The following COL11A1 variants were observed in gnomAD, a reference collection of about 807,000 sequenced individuals.
COL11A1 encodes collagen alpha-1(XI) chain.
A neutral mutation model predicts 265.2 loss-of-function variants in COL11A1; 74 were observed. The ratio of observed to expected loss-of-function variants is 0.28; its 90% CI spans 0.23 to 0.34. The LOEUF is 0.34. Ranked by LOEUF, COL11A1 falls within the 10% of genes least tolerant of loss-of-function variation. The pLI is 1.00. For synonymous variants in COL11A1, 816 were observed against 727.6 expected, an observed-to-expected ratio of 1.12 and a Z score of -1.96; for missense variants, 2,165 against 2,263.6, an observed-to-expected ratio of 0.96 and a Z score of 0.88.
chr1:102,955,317 GAGA>G (rs902530152), intron 41 of COL11A1, among the ~76,000 whole-genome samples: 7 of 152,272 alleles, frequency 4.6e-5, no homozygotes, highest in Non-Finnish European at 7.4e-5. Flanking sequence ...AGAGAAGCAA[GAGA>G]AGAAGAAGAA....
chr1:102,981,148 T>C (rs1557899637), intron 31 of COL11A1, among the ~76,000 whole-genome samples: 1 of 152,140 alleles, frequency 6.6e-6, no homozygotes, highest in Non-Finnish European at 1.5e-5. Flanking sequence ...TTTTATAACA[T>C]GTTTTCCTGT....
intron 41 of COL11A1, among the ~76,000 whole-genome samples, chr1:102,956,110 A>T (rs1355335598): frequency 1.3e-5 from 2 of 152,218 alleles, no homozygotes; most frequent in African/African-American, 2.4e-5. Flanking sequence ...ACCTTTAGAT[A>T]ACCCTAACCT....
At chr1:103,035,806 A>C (rs1268640408) in intron 4 of COL11A1, among the ~76,000 whole-genome samples, 1 of 150,006 alleles carries the variant, frequency 6.7e-6, no homozygotes, top group African/African-American at 2.5e-5. Context: ...ACTGATAATA[A>C]AATTAGTTTC....
chr1:103,014,152 C>T (rs942150959), intron 13 of COL11A1, among the ~76,000 whole-genome samples: 1 of 151,714 alleles, frequency 6.6e-6, no homozygotes, highest in African/African-American at 2.4e-5. Context: ...TTAATTATAA[C>T]CAATCATTGA....
At chr1:102,905,497 T>A (rs1381262434) in intron 54 of COL11A1, among the ~76,000 whole-genome samples, 1 of 139,294 alleles carries the variant, frequency 7.2e-6, no homozygotes, top group African/African-American at 2.6e-5. Context: ...CCTGAGTTGC[T>A]AAAGCACCCA....
At position 103,108,395 on chromosome 1, in the gene COL11A1, G is replaced by C; in HGVS notation, c.-217C>G. On this transcript the variant is annotated 5_prime_UTR_variant, in exon 1 of 67. Coordinates refer to ENST00000370096, the MANE Select transcript of COL11A1 (RefSeq NM_001854.4). ...TCCCTCTGAGTTGGCCCCACCGGCCGGGACCCTCCGGCCGCGACCCTCTGA... is the reference window on the plus strand; with the variant it reads ...TCCCTCTGAGTTGGCCCCACCGGCCCGGACCCTCCGGCCGCGACCCTCTGA... 1.6e-6 allele frequency: 1 copy of C among 615,766 alleles called. No homozygotes were observed. The allele number at this position is 615,766 out of a possible 1,614,324, so 38.1% of individuals were successfully genotyped here. A position where few individuals can be genotyped will look rare whatever the true frequency, so the allele number is the denominator to read the frequency against.
chr1:103,048,426 A>T lies in COL11A1; in HGVS notation c.652-17182T>A, dbSNP rs539564977. Among the ~76,000 whole-genome samples, 10 of 152,170 alleles carry T rather than the reference A, an allele frequency of 6.6e-5. 1 individual carries two copies. The South Asian group carries it at 1.9e-3, about 28-fold the overall frequency. The stretch of plus-strand genomic sequence containing the variant: ...ATAGTATTTTCTGATGGTAGTTTGT[A>T]TTTCTGTGGGATCGGTGGTGATATC... On this transcript the variant is annotated intron_variant, in intron 4 of 66. Transcript: ENST00000370096.
In COL11A1 at chr1:102,915,573, C is replaced by T. The variant is rs4908273; in HGVS notation, c.3816+58G>A. ...TAAGAGTTGTTACATGTTTGTAATG[C>T]TGTAAAAGAAATTCCCAAACCAATA... On this transcript the variant is annotated intron_variant, in intron 50 of 66. Coordinates refer to ENST00000370096, the MANE Select transcript of COL11A1 (RefSeq NM_001854.4). 165,307 of 1,415,680 alleles carry T rather than the reference C, an allele frequency of 0.12. 10,764 individuals carry two copies. The highest frequency in any genetic ancestry group is 0.25 in the East Asian group (10,923 of 43,836). The allele number at this position is 1,415,680 out of a possible 1,614,324, so 87.7% of individuals were successfully genotyped here.
intron 31 of COL11A1, among the ~76,000 whole-genome samples, chr1:102,982,667 T>G (rs906727885): frequency 6.6e-6 from 1 of 151,988 alleles, no homozygotes; most frequent in Non-Finnish European, 1.5e-5. Flanking sequence ...TTTAGAAGGG[T>G]TCAAAAGCAT....
rs187893256 is a variant in COL11A1, at chr1:102,914,900, C to T, written c.3817-89G>A. 1.2e-5 allele frequency: 12 copies of T among 1,032,086 alleles called. No individual in the cohort carries two copies. In the East Asian group the frequency reaches 2.8e-4, roughly 24 times the overall value. 63.9% of individuals were successfully genotyped at this position (1,032,086 alleles called of 1,614,324 possible). A position where few individuals can be genotyped will look rare whatever the true frequency, so the allele number is the denominator to read the frequency against. ...ATAAAAGTTTATTAACCTTGGCACA[C>T]TGGGCCAGAATATATTTTTTTTTTA... On this transcript the variant is annotated intron_variant, in intron 50 of 66. Coordinates refer to ENST00000370096, the MANE Select transcript of COL11A1 (RefSeq NM_001854.4).
chr1:103,076,035 A>G (rs1486043353), intron 3 of COL11A1, among the ~76,000 whole-genome samples: 1 of 152,152 alleles, frequency 6.6e-6, no homozygotes, highest in African/African-American at 2.4e-5. Flanking sequence ...ACAGAAAATA[A>G]AAACAATTTC....
intron 49 of COL11A1, among the ~76,000 whole-genome samples, chr1:102,918,567 A>T (rs1403601990): frequency 7.2e-6 from 1 of 138,614 alleles, no homozygotes; most frequent in Non-Finnish European, 1.6e-5. Context: ...ATTCTTGATT[A>T]AAAAACATCA....
intron 50 of COL11A1, among the ~76,000 whole-genome samples, chr1:102,915,132 G>A (rs1453146749): frequency 6.6e-6 from 1 of 152,008 alleles, no homozygotes; most frequent in Non-Finnish European, 1.5e-5. Flanking sequence ...TTTTTGCTGT[G>A]GGGAGCTGTT....
chr1:103,006,445 T>C, intron 15 of COL11A1, 130 bp from the exon 16 acceptor site: 1 of 542,518 alleles, frequency 1.8e-6, no homozygotes, highest in Non-Finnish European at 3.0e-6. Context: ...CACAAGAAAA[T>C]TATTTCCATG....
chr1:103,072,674 G>C (rs1346100386), intron 4 of COL11A1, among the ~76,000 whole-genome samples: 1 of 151,642 alleles, frequency 6.6e-6, no homozygotes, highest in Admixed American at 6.6e-5. Flanking sequence ...TCTAAATTTG[G>C]ACTAAACATC....
intron 54 of COL11A1, among the ~76,000 whole-genome samples, chr1:102,911,661 A>G (rs1654695472): frequency 6.6e-6 from 1 of 152,198 alleles, no homozygotes; most frequent in Admixed American, 6.5e-5. Flanking sequence ...ATTTATTTAT[A>G]TTTTGCTATA....
intron 4 of COL11A1, among the ~76,000 whole-genome samples, chr1:103,074,367 T>G (rs1303608022): frequency 3.9e-5 from 6 of 152,054 alleles, no homozygotes; most frequent in Non-Finnish European, 8.8e-5. Context: ...CCCAGGAGAA[T>G]AGCATGTCTG....
At chr1:102,971,887 T>C (rs943201416) in intron 36 of COL11A1, among the ~76,000 whole-genome samples, 2 of 152,150 alleles carry the variant, frequency 1.3e-5, no homozygotes, top group Non-Finnish European at 2.9e-5. Flanking sequence ...AACTGGAGTG[T>C]TTTTAACCAA....
intron 24 of COL11A1, 48 bp downstream of exon 24, chr1:103,001,877 A>G (rs759162496): frequency 4.2e-5 from 67 of 1,581,442 alleles, no homozygotes; most frequent in Admixed American, 1.3e-4. Context: ...TAAGATTGCT[A>G]AAACAAACAT....
Sources: allele counts gnomAD v4.1 joint callset (sites outside exome capture counted in the v4.1 genomes callset), GRCh38; gene constraint gnomAD v4.1.1; transcripts MANE v1.5; gene names NCBI Gene and HGNC (gene_info 2026-07-23, HGNC 2026-07-21).